The following TAS2R1 variants were observed in gnomAD, a reference collection of about 807,000 sequenced individuals.
TAS2R1 encodes the protein taste 2 receptor member 1.
For missense variants in TAS2R1, 370 were observed against 353.4 expected (o/e 1.05, Z -0.38); for synonymous variants, 141 against 134.2 (o/e 1.05, Z -0.35).
chr5:9,857,308 G>C, the TAS2R1 span, among the ~76,000 whole-genome samples: 11 of 152,148 alleles, frequency 7.2e-5, no homozygotes, highest in Admixed American at 7.2e-4. Flanking sequence ...ACAAAGAAAA[G>C]TTAAACGTTT....
the TAS2R1 span, among the ~76,000 whole-genome samples, chr5:9,859,724 T>C: frequency 6.6e-6 from 1 of 152,146 alleles, no homozygotes; most frequent in African/African-American, 2.4e-5. Flanking sequence ...GAATTGAATA[T>C]ATTACTCCAG....
At chr5:9,677,254 G>A (rs967150952) in intron 1 of TAS2R1, among the ~76,000 whole-genome samples, 1 of 152,078 alleles carries the variant, frequency 6.6e-6, no homozygotes, top group African/African-American at 2.4e-5. Flanking sequence ...AACACCTATT[G>A]GAGGGTGAAG....
chr5:9,902,750 A>T, the TAS2R1 span: 12 of 152,106 alleles, frequency 7.9e-5, no homozygotes, highest in Non-Finnish European at 2.9e-5. Context: ...CAGCGTGGAC[A>T]GGTCTGAAAG....
the TAS2R1 span, among the ~76,000 whole-genome samples, chr5:9,725,272 C>T: frequency 1.9e-4 from 29 of 152,348 alleles, 1 homozygote; most frequent in East Asian, 5.6e-3. Flanking sequence ...TGGCCAAGGC[C>T]GGAGCCGGCT....
At chr5:9,732,391 A>T in the TAS2R1 span, among the ~76,000 whole-genome samples, 4 of 152,326 alleles carry the variant, frequency 2.6e-5, no homozygotes, top group African/African-American at 9.6e-5. Flanking sequence ...CATTGAGGGG[A>T]CTAAGGCAGA....
the TAS2R1 span, among the ~76,000 whole-genome samples, chr5:9,831,012 G>A: frequency 1.3e-5 from 2 of 152,230 alleles, no homozygotes; most frequent in East Asian, 3.9e-4. Context: ...AAAAATCTAA[G>A]TCCATTGGGT....
At chr5:9,701,699 A>T (rs1196268183) in intron 1 of TAS2R1, among the ~76,000 whole-genome samples, 3 of 152,238 alleles carry the variant, frequency 2.0e-5, no homozygotes, top group African/African-American at 4.8e-5. Flanking sequence ...TCCTTCGTAT[A>T]TTGAACAATT....
intron 1 of TAS2R1, among the ~76,000 whole-genome samples, chr5:9,672,299 ATTAAGAGC>A (rs1303511333): frequency 6.6e-6 from 1 of 152,084 alleles, no homozygotes; most frequent in Non-Finnish European, 1.5e-5. Context: ...ATGGGATCTA[ATTAAGAGC>A]TTCCGCATAC....
the TAS2R1 span, among the ~76,000 whole-genome samples, chr5:9,731,860 T>C: frequency 6.6e-6 from 1 of 152,244 alleles, no homozygotes; most frequent in African/African-American, 2.4e-5. Context: ...ATGGTAACCA[T>C]GGTACTTAGT....
At chr5:9,714,748 A>G (rs1734770509), upstream of TAS2R1, among the ~76,000 whole-genome samples, 1 of 152,246 alleles carries the variant, frequency 6.6e-6, no homozygotes, top group African/African-American at 2.4e-5. Context: ...AAAGCCTTTC[A>G]TGTTCCAAAG....
the TAS2R1 span, among the ~76,000 whole-genome samples, chr5:9,744,563 T>C: frequency 6.6e-6 from 1 of 151,886 alleles, no homozygotes; most frequent in Non-Finnish European, 1.5e-5. Flanking sequence ...CATGACAAAC[T>C]TGTATATATA....
At chr5:9,903,173 T>C in the TAS2R1 span, among the ~76,000 whole-genome samples, 1 of 152,024 alleles carries the variant, frequency 6.6e-6, no homozygotes, top group Non-Finnish European at 1.5e-5. Context: ...TATCAAACAG[T>C]AGGTATTATT....
the TAS2R1 span, among the ~76,000 whole-genome samples, chr5:9,790,124 G>A: frequency 6.6e-6 from 1 of 152,188 alleles, no homozygotes; most frequent in East Asian, 1.9e-4. Flanking sequence ...GCCCTGGAGG[G>A]AGGGATCCAG....
At chr5:9,724,433 G>T in the TAS2R1 span, among the ~76,000 whole-genome samples, 7 of 147,668 alleles carry the variant, frequency 4.7e-5, no homozygotes, top group East Asian at 1.4e-3. Flanking sequence ...AACATAAATA[G>T]TATACTTAAC....
Position 9,699,395 on chromosome 5 carries a change from G to A in TAS2R1, c.-242+12777C>T, listed in dbSNP as rs544754560. Among the ~76,000 whole-genome samples, 6 of 152,268 alleles carry A rather than the reference G, an allele frequency of 3.9e-5. No homozygotes were observed. In the East Asian group the frequency reaches 1.2e-3, roughly 29 times the overall value. On this transcript the variant is annotated intron_variant, in intron 1 of 2. Coordinates refer to the TAS2R1 transcript ENST00000506620. ...CTGATGCCACTTTCTGACTTCGAAG[G>A]ACGATTTATTCTTCTGAGGATGATT...
intron 1 of TAS2R1, among the ~76,000 whole-genome samples, chr5:9,705,683 AC>A (rs1462265683): frequency 6.6e-6 from 1 of 152,146 alleles, no homozygotes; most frequent in Non-Finnish European, 1.5e-5. Flanking sequence ...ATATGGTGAA[AC>A]ACCATCTCTA....
At chr5:9,818,476 T>C in the TAS2R1 span, among the ~76,000 whole-genome samples, 1 of 152,300 alleles carries the variant, frequency 6.6e-6, no homozygotes, top group South Asian at 2.1e-4. Flanking sequence ...CCACCATCCA[T>C]GTGGCTCATG....
chr5:9,737,918 C>G, the TAS2R1 span, among the ~76,000 whole-genome samples: 3 of 152,164 alleles, frequency 2.0e-5, no homozygotes, highest in African/African-American at 7.2e-5. Context: ...CTCTAATTCC[C>G]TGTGTTGTTC....
At chr5:9,786,909 TCTC>T in the TAS2R1 span, among the ~76,000 whole-genome samples, 2 of 152,206 alleles carry the variant, frequency 1.3e-5, no homozygotes, top group African/African-American at 4.8e-5. Flanking sequence ...ACATCATTCT[TCTC>T]CTCTTATGCT....
Sources: gnomAD v4.1 joint callset for allele counts (sites outside exome capture counted in the v4.1 genomes callset) on GRCh38, gnomAD v4.1.1 for gene constraint, MANE v1.5 for transcripts, NCBI Gene and HGNC (gene_info 2026-07-23, HGNC 2026-07-21) for gene names.